SOAT1: variants seen among roughly 807,000 people sequenced by gnomAD.
The protein encoded by SOAT1 is acyl-coenzyme A:cholesterol acyltransferase 1.
A neutral mutation model predicts 69.5 loss-of-function variants in SOAT1; 55 were observed. The observed-to-expected ratio is 0.79, with a 90% confidence interval of 0.64 to 0.99. The LOEUF (loss-of-function observed/expected upper bound fraction) is 0.99. SOAT1 is among the 50% of genes least tolerant of loss of function. The pLI is 0.00. For synonymous variants in SOAT1, 231 were observed against 224.7 expected, an observed-to-expected ratio of 1.03 and a Z score of -0.25; for missense variants, 580 against 669.3, an observed-to-expected ratio of 0.87 and a Z score of 1.47.
chr1:179,339,612 G>T, intron 6 of SOAT1, 67 bp downstream of exon 6: 2 of 998,640 alleles, frequency 2.0e-6, no homozygotes, highest in South Asian at 1.5e-5. Flanking sequence ...ACTAAATTTT[G>T]GTAAAGGGTA....
chr1:179,314,471 G>A (rs1317375594), intron 2 of SOAT1, among the ~76,000 whole-genome samples: 1 of 152,214 alleles, frequency 6.6e-6, no homozygotes, highest in African/African-American at 2.4e-5. Flanking sequence ...GGACTGCTGA[G>A]TGGGGCCTGA....
chr1:179,300,073 C>CT, intron 1 of SOAT1, among the ~76,000 whole-genome samples: 1 of 151,376 alleles, frequency 6.6e-6, no homozygotes, highest in South Asian at 2.1e-4. Context: ...ATTTTGCTGT[C>CT]TTTTATGCTT....
chr1:179,350,199 C>T (rs1018612021), intron 13 of SOAT1, 97 bp from the exon 14 acceptor site: 7 of 945,168 alleles, frequency 7.4e-6, no homozygotes, highest in African/African-American at 4.9e-5. Flanking sequence ...AGTACAAATA[C>T]AATAGGTGCC....
chr1:179,354,594 G>A lies in SOAT1; in HGVS notation c.*953G>A, dbSNP rs1469296981. 1 of 152,114 alleles carries A rather than the reference G, an allele frequency of 6.6e-6. No homozygotes were observed. The allele number at this position is 152,114 out of a possible 1,614,324, so 9.4% of individuals were successfully genotyped here. ...CTCTTGAATTATTTTGCAGACTAGT[G>A]AGTCTGTACCATAAGTATTAATCAC... On this transcript the variant is annotated 3_prime_UTR_variant, in exon 16 of 16. Transcript: ENST00000367619.
intron 3 of SOAT1, among the ~76,000 whole-genome samples, chr1:179,328,554 C>T (rs1163351015): frequency 6.6e-6 from 1 of 152,248 alleles, no homozygotes; most frequent in Non-Finnish European, 1.5e-5. Context: ...CTGGCCTGGA[C>T]ATTACATGCC....
intron 15 of SOAT1, among the ~76,000 whole-genome samples, chr1:179,353,211 A>ATAAATATATAAAT (rs1553248893): frequency 1.5e-5 from 1 of 64,522 alleles, no homozygotes; most frequent in Non-Finnish European, 3.2e-5. Context: ...ATATATAAAT[A>ATAAATATATAAAT]TATATATATA....
chr1:179,350,521 C>G (rs1264722061), intron 14 of SOAT1, 90 bp downstream of exon 14: 1 of 1,233,152 alleles, frequency 8.1e-7, no homozygotes, highest in Non-Finnish European at 1.1e-6. Context: ...TGTAGGAGAA[C>G]TAGATAGTAG....
At chr1:179,342,323 T>TTC (rs750083951) in intron 8 of SOAT1, 131 bp downstream of exon 8, 15 of 569,576 alleles carry the variant, frequency 2.6e-5, no homozygotes, top group South Asian at 7.8e-5. Context: ...CTCTTTCTCT[T>TTC]TCTCTCTCTC....
intron 15 of SOAT1, among the ~76,000 whole-genome samples, chr1:179,353,219 A>ATATAAATATATATATATT (rs1666805465): frequency 8.2e-6 from 1 of 121,346 alleles, no homozygotes; most frequent in Non-Finnish European, 1.7e-5. Context: ...ATATATATAT[A>ATATAAATATATATATATT]TATATCTATT....
At chr1:179,322,159 C>T (rs554171666) in intron 2 of SOAT1, among the ~76,000 whole-genome samples, 1 of 152,146 alleles carries the variant, frequency 6.6e-6, no homozygotes, top group Non-Finnish European at 1.5e-5. Context: ...GCTAGGATTA[C>T]AAGTGTGCAC....
Position 179,354,152 on chromosome 1 carries a change from A to G in SOAT1, c.*511A>G, listed in dbSNP as rs1558062360. 1.3e-5 allele frequency: 2 copies of G among 152,748 alleles called. No homozygotes were observed. The highest frequency in any genetic ancestry group is 2.9e-5 in the Non-Finnish European group (2 of 68,100). The allele number at this position is 152,748 out of a possible 1,614,324, so 9.5% of individuals were successfully genotyped here. A position where few individuals can be genotyped will look rare whatever the true frequency, so the allele number is the denominator to read the frequency against. On this transcript the variant is annotated 3_prime_UTR_variant, in exon 16 of 16. Transcript: ENST00000367619. The stretch of plus-strand genomic sequence containing the variant: ...TTTTGCTATTTCTAGTAGAAAGAAA[A>G]TGTCTGTTTTCCAAAGATAATGTTA...
At chr1:179,332,633 T>G (rs555536037) in intron 3 of SOAT1, among the ~76,000 whole-genome samples, 5 of 152,246 alleles carry the variant, frequency 3.3e-5, no homozygotes, top group African/African-American at 1.2e-4. Flanking sequence ...TGCATGAAAT[T>G]AATATCAGTA....
chr1:179,324,565 C>G (rs1665712860), intron 3 of SOAT1, among the ~76,000 whole-genome samples: 1 of 152,198 alleles, frequency 6.6e-6, no homozygotes, highest in Admixed American at 6.5e-5. Context: ...TGGGTATAGA[C>G]TCCTAGTTAA....
intron 2 of SOAT1, among the ~76,000 whole-genome samples, chr1:179,305,174 C>G (rs1046376301): frequency 6.6e-6 from 1 of 152,114 alleles, no homozygotes; most frequent in East Asian, 1.9e-4. Flanking sequence ...CTGGGCATTT[C>G]TTATAAGGGG....
chr1:179,308,442 C>A (rs1665096278), intron 2 of SOAT1, among the ~76,000 whole-genome samples: 1 of 151,918 alleles, frequency 6.6e-6, no homozygotes, highest in Non-Finnish European at 1.5e-5. Context: ...GAGGCCGAGG[C>A]AGGCAGATTG....
chr1:179,344,478 G>A (rs1387858784), intron 10 of SOAT1, among the ~76,000 whole-genome samples: 1 of 147,218 alleles, frequency 6.8e-6, no homozygotes, highest in Non-Finnish European at 1.5e-5. Context: ...GTGTTCAAAC[G>A]ATTCTCCTGC....
At chr1:179,353,327 C>T (rs1666812359) in intron 15 of SOAT1, among the ~76,000 whole-genome samples, 1 of 144,650 alleles carries the variant, frequency 6.9e-6, no homozygotes, top group South Asian at 2.2e-4. Flanking sequence ...AGAAACTGGT[C>T]AAAGTCCACA....
In SOAT1 at chr1:179,350,315, A is replaced by T; in HGVS notation, c.1334A>T (p.Lys445Ile). The T allele has an allele frequency of 1.9e-6, 3 of 1,612,004 alleles. No homozygotes were observed. The highest frequency in any genetic ancestry group is 2.5e-6 in the Non-Finnish European group (3 of 1,179,526). The change falls in exon 14 of 16, where the codon AAA becomes ATA. Residue 445 changes from lysine to isoleucine, a missense_variant. Transcript: ENST00000367619. ...CTTTAGTTTTTCTCCAAGAGATTCA[A>T]ATCTGCTGCCATGTTAGCTGTCTTT... The part of the protein sequence containing the change: ...DFLWFFSKRF[K>I]SAAMLAVFAV...
chr1:179,302,110 A>G (rs950625795), intron 1 of SOAT1, among the ~76,000 whole-genome samples: 5 of 152,036 alleles, frequency 3.3e-5, no homozygotes, highest in Non-Finnish European at 5.9e-5. Flanking sequence ...AAGGGGCTTC[A>G]AAACCATTCC....
Sources: gnomAD v4.1 joint callset for allele counts (sites outside exome capture counted in the v4.1 genomes callset) on GRCh38, gnomAD v4.1.1 for gene constraint, MANE v1.5 for transcripts, NCBI Gene and HGNC (gene_info 2026-07-23, HGNC 2026-07-21) for gene names.